PLEKHA7: variants seen among roughly 807,000 people sequenced by gnomAD.
The protein encoded by PLEKHA7 is pleckstrin homology domain containing A7.
PLEKHA7 carries 104 observed loss-of-function variants against 170.0 expected under a neutral mutation model. The ratio of observed to expected loss-of-function variants is 0.61; its 90% CI spans 0.52 to 0.72. The LOEUF is 0.72. Among genes scored for constraint, PLEKHA7 ranks in the 30% least tolerant of loss-of-function variants. The pLI, the probability that PLEKHA7 is intolerant of heterozygous loss-of-function variation, is 0.00. For missense variants in PLEKHA7, 1,615 were observed against 1,671.7 expected (o/e 0.97, Z 0.59); for synonymous variants, 648 against 660.8 (o/e 0.98, Z 0.30).
intron 26 of PLEKHA7, chr11:16,781,019 G>A: frequency 2.0e-6 from 2 of 986,294 alleles, no homozygotes; most frequent in Non-Finnish European, 2.4e-6. Context: ...GGAAGACAGG[G>A]GGCCTTTAGG....
At chr11:16,853,632 T>C (rs1565016950) in intron 6 of PLEKHA7, among the ~76,000 whole-genome samples, 1 of 152,220 alleles carries the variant, frequency 6.6e-6, no homozygotes, top group Non-Finnish European at 1.5e-5. Context: ...TCTCTCCATA[T>C]GTCAAAGGGG....
At chr11:16,949,616 A>T (rs1861276770) in intron 3 of PLEKHA7, among the ~76,000 whole-genome samples, 1 of 152,196 alleles carries the variant, frequency 6.6e-6, no homozygotes, top group Non-Finnish European at 1.5e-5. Context: ...TTGCTCATTC[A>T]TTCATTCATT....
intron 8 of PLEKHA7, among the ~76,000 whole-genome samples, chr11:16,847,246 G>A (rs1852510841): frequency 6.6e-6 from 1 of 151,874 alleles, no homozygotes. Flanking sequence ...ACAGGCGCCA[G>A]CCACCACACC....
intron 19 of PLEKHA7, among the ~76,000 whole-genome samples, chr11:16,793,962 T>C (rs925208824): frequency 6.6e-6 from 1 of 152,212 alleles, no homozygotes; most frequent in African/African-American, 2.4e-5. Flanking sequence ...AGTTTTCTTC[T>C]CTGTGGAATG....
chr11:16,792,881 C>T (rs1299868342), intron 19 of PLEKHA7, among the ~76,000 whole-genome samples: 1 of 152,192 alleles, frequency 6.6e-6, no homozygotes, highest in Non-Finnish European at 1.5e-5. Context: ...TCAAATGATC[C>T]TCCTGCCTTA....
intron 3 of PLEKHA7, among the ~76,000 whole-genome samples, chr11:16,892,463 TG>T: frequency 6.8e-6 from 1 of 147,148 alleles, no homozygotes; most frequent in Non-Finnish European, 1.5e-5. Flanking sequence ...TGTTTTGTTT[TG>T]AGATAAAGTA....
chr11:16,903,215 G>A (rs1457020531), intron 3 of PLEKHA7, among the ~76,000 whole-genome samples: 3 of 152,192 alleles, frequency 2.0e-5, no homozygotes, highest in African/African-American at 7.2e-5. Flanking sequence ...TGACTGAACA[G>A]GAAGGAAGGA....
intron 3 of PLEKHA7, among the ~76,000 whole-genome samples, chr11:16,930,088 G>A (rs1332020237): frequency 6.6e-6 from 1 of 152,174 alleles, no homozygotes; most frequent in African/African-American, 2.4e-5. Flanking sequence ...GGATGCTTTG[G>A]CGCAAGGCTG....
rs1847876070 is a variant in PLEKHA7 at position 16,791,798 on chromosome 11, C to G, written c.2746-599G>C. 2.5e-6 allele frequency: 1 copy of G among 407,108 alleles called. No individual in the cohort carries two copies. Among genetic ancestry groups the G allele is most frequent in the Admixed American group, 2.6e-5 (1 of 38,208 alleles). 25.2% of individuals were successfully genotyped at this position (407,108 alleles called of 1,614,324 possible). A position where few individuals can be genotyped will look rare whatever the true frequency, so the allele number is the denominator to read the frequency against. ...GGCGGTCAGGATGAGTGACTCACTG[C>G]CTACCATGCAGTTCATTCCCTAGAA... On this transcript the variant is annotated intron_variant, in intron 19 of 26. Coordinates refer to ENST00000531066, the MANE Select transcript of PLEKHA7 (RefSeq NM_001329630.2). This position sits in a 1 kb window ranked among gnomAD's most constrained non-coding sequence, Gnocchi z 4.5.
chr11:16,886,262 G>A (rs1031307060), intron 3 of PLEKHA7, among the ~76,000 whole-genome samples: 6 of 152,144 alleles, frequency 3.9e-5, no homozygotes, highest in African/African-American at 1.4e-4. Flanking sequence ...GAAAAATATA[G>A]TCTACTGTGG....
At chr11:16,837,371 C>T (rs1851599425) in intron 9 of PLEKHA7, among the ~76,000 whole-genome samples, 1 of 152,168 alleles carries the variant, frequency 6.6e-6, no homozygotes, top group Non-Finnish European at 1.5e-5. Context: ...ATCAATCATG[C>T]ATTTTTTCCT....
At chr11:16,787,910 C>G (rs1849510780) in intron 23 of PLEKHA7, 1 of 152,196 alleles carries the variant, frequency 6.6e-6, no homozygotes, top group South Asian at 2.1e-4. Context: ...CTAGCAGCTG[C>G]AGAGAGGCCC....
At chr11:16,955,895 T>A (rs888289518) in intron 3 of PLEKHA7, among the ~76,000 whole-genome samples, 1 of 152,022 alleles carries the variant, frequency 6.6e-6, no homozygotes, top group African/African-American at 2.4e-5. Flanking sequence ...CCATACATAG[T>A]CACTTAAAAA....
chr11:17,005,546 A>AAG (rs769946288), intron 3 of PLEKHA7, among the ~76,000 whole-genome samples: 13 of 151,708 alleles, frequency 8.6e-5, no homozygotes, highest in African/African-American at 2.2e-4. Context: ...CAAAAAAAGA[A>AAG]AGAGAGAGAG....
chr11:16,784,509 A>G (rs1003819294), intron 24 of PLEKHA7, among the ~76,000 whole-genome samples: 1 of 152,234 alleles, frequency 6.6e-6, no homozygotes, highest in Non-Finnish European at 1.5e-5. Flanking sequence ...TGCTGAATCT[A>G]CTGCTGGCCA....
rs145320724 is a variant in PLEKHA7, at chr11:16,854,926, T to C, written c.485A>G (p.Asn162Ser). 59 of 1,614,098 alleles carry C rather than the reference T, an allele frequency of 3.7e-5. No individual in the cohort carries two copies. The highest frequency in any genetic ancestry group is 1.7e-4 in the Middle Eastern group (1 of 6,060). The change falls in exon 6 of 27, where the codon AAT becomes AGT. Residue 162 changes from asparagine (N) to serine (S), a missense_variant. By Grantham distance (46) the Asn-to-Ser change is conservative. Coordinates refer to ENST00000531066, the MANE Select transcript of PLEKHA7 (RefSeq NM_001329630.2). ...CCAGCCCCTCACCACCACGGGAACATTGGGGTTCCTCCGAATGGCCTGGTC... is the reference window on the plus strand; with the variant it reads ...CCAGCCCCTCACCACCACGGGAACACTGGGGTTCCTCCGAATGGCCTGGTC... ...KRDQAIRRNP[N>S]VPVVVRGWLH...
chr11:16,888,617 G>C (rs139586050), intron 3 of PLEKHA7, among the ~76,000 whole-genome samples: 23,084 of 150,944 alleles, frequency 0.15, 679 homozygotes, highest in Non-Finnish European at 0.22. Context: ...TGCAAGATGT[G>C]CTTTGTTAAA....
chr11:16,957,689 A>AT (rs1565154427), intron 3 of PLEKHA7, among the ~76,000 whole-genome samples: 5 of 118,218 alleles, frequency 4.2e-5, no homozygotes, highest in Admixed American at 8.9e-5. Flanking sequence ...TACCTCAATA[A>AT]TTTTTTTCTT....
intron 3 of PLEKHA7, among the ~76,000 whole-genome samples, chr11:16,903,893 C>T (rs1857494636): frequency 6.6e-6 from 1 of 152,210 alleles, no homozygotes; most frequent in Non-Finnish European, 1.5e-5. Flanking sequence ...CAGTTTTTGT[C>T]CTTCTTGCCA....
Sources: allele counts gnomAD v4.1 joint callset (sites outside exome capture counted in the v4.1 genomes callset), GRCh38; gene constraint gnomAD v4.1.1; non-coding constraint Gnocchi (gnomAD v3.1); transcripts MANE v1.5; gene names NCBI Gene and HGNC (gene_info 2026-07-23, HGNC 2026-07-21).